The following EMSY variants were observed in gnomAD, a reference collection of about 807,000 sequenced individuals.
EMSY encodes EMSY transcriptional repressor, BRCA2 interacting, also known as BRCA2-interacting transcriptional repressor EMSY.
In EMSY, 26 loss-of-function variants were observed where a neutral mutation model predicts 134.6. The ratio of observed to expected loss-of-function variants is 0.19; its 90% confidence interval spans 0.14 to 0.27. EMSY has a LOEUF of 0.27. Ranked by LOEUF, EMSY falls within the 10% of genes least tolerant of loss-of-function variation. The probability of loss-of-function intolerance (pLI) is 1.00; values close to 1 mark genes in which losing one functional copy is unlikely to be tolerated. For synonymous variants in EMSY, 579 were observed against 577.8 expected (o/e 1.00, Z -0.03); for missense variants, 1,305 against 1,611.4 (o/e 0.81, Z 3.26).
chr11:76,524,876 A>T (rs191254737), intron 12 of EMSY, among the ~76,000 whole-genome samples: 56 of 152,270 alleles, frequency 3.7e-4, no homozygotes, highest in African/African-American at 1.3e-3. Context: ...TACAAAAATT[A>T]GCGTGAAGGT....
At chr11:76,473,536 G>A (rs1026413777) in intron 8 of EMSY, among the ~76,000 whole-genome samples, 5 of 151,622 alleles carry the variant, frequency 3.3e-5, no homozygotes, top group Non-Finnish European at 4.4e-5. Context: ...CTGGAACTCC[G>A]GAGTTCAGAC....
rs1209866521 is a variant in EMSY, at chr11:76,459,926, C to G, written c.422-10C>G. 1 of 1,608,798 alleles carries G rather than the reference C, an allele frequency of 6.2e-7. No homozygotes were observed. Among genetic ancestry groups the G allele is most frequent in the African/African-American group, 1.3e-5 (1 of 74,812 alleles). Reference sequence around the variant, plus strand: ...GTTAACAGCAAACTTTTTTATCGTTCCTTCAGTAGTGGTTTGCTATTCCTA... The same window carrying G: ...GTTAACAGCAAACTTTTTTATCGTTGCTTCAGTAGTGGTTTGCTATTCCTA... On this transcript the variant is annotated splice_polypyrimidine_tract_variant and intron_variant, in intron 5 of 20. Coordinates refer to ENST00000334736, the Ensembl canonical transcript of EMSY.
chr11:76,492,337 G>C (rs1276464272), intron 8 of EMSY, among the ~76,000 whole-genome samples: 2 of 152,126 alleles, frequency 1.3e-5, no homozygotes, highest in Admixed American at 6.5e-5. Context: ...AGCCATGCAT[G>C]GTGGTGCGTG....
intron 11 of EMSY, among the ~76,000 whole-genome samples, chr11:76,517,515 C>T (rs1950489705): frequency 6.6e-6 from 1 of 152,020 alleles, no homozygotes; most frequent in Non-Finnish European, 1.5e-5. Context: ...TTTTTATGAC[C>T]TTAAGGATTT....
At chr11:76,505,362 A>ATTTT (rs372496170) in intron 9 of EMSY, among the ~76,000 whole-genome samples, 15 of 126,748 alleles carry the variant, frequency 1.2e-4, no homozygotes, top group Non-Finnish European at 1.1e-4. Flanking sequence ...CGCCCGGCTA[A>ATTTT]TTTTTTTTTT....
At chr11:76,517,628 G>A (rs1950494058) in intron 11 of EMSY, among the ~76,000 whole-genome samples, 3 of 152,132 alleles carry the variant, frequency 2.0e-5, no homozygotes, top group Admixed American at 2.0e-4. Flanking sequence ...TAGCTGCTTT[G>A]TACCTGGTTA....
intron 9 of EMSY, 88 bp downstream of exon 10, chr11:76,496,557 T>G: frequency 2.6e-5 from 37 of 1,431,054 alleles, no homozygotes; most frequent in Middle Eastern, 1.7e-4. Flanking sequence ...GGTATGTCTC[T>G]TCATTTATTT....
chr11:76,462,390 G>T (rs1232119210), intron 6 of EMSY, among the ~76,000 whole-genome samples: 1 of 152,194 alleles, frequency 6.6e-6, no homozygotes, highest in Non-Finnish European at 1.5e-5. Context: ...AGATGTAATT[G>T]TTTATTTACC....
At chr11:76,552,207 A>G (rs2136950694), downstream of EMSY, 1 of 152,326 alleles carries the variant, frequency 6.6e-6, no homozygotes, top group Admixed American at 6.5e-5. Flanking sequence ...CTGTATGACA[A>G]GTAGTATTCT....
intron 4 of EMSY, 112 bp from the exon 6 acceptor site, chr11:76,458,071 T>A: frequency 1.1e-6 from 1 of 916,220 alleles, no homozygotes; most frequent in East Asian, 2.9e-5. Flanking sequence ...GCCTCTCCTA[T>A]TCACTCAGGG....
At chr11:76,493,934 G>C (rs1423242559) in intron 8 of EMSY, among the ~76,000 whole-genome samples, 2 of 152,222 alleles carry the variant, frequency 1.3e-5, no homozygotes, top group Non-Finnish European at 2.9e-5. Context: ...GGGGAGCCCA[G>C]ACCTAGGGGC....
intron 8 of EMSY, among the ~76,000 whole-genome samples, chr11:76,473,863 T>G (rs1267305679): frequency 6.6e-6 from 1 of 151,778 alleles, no homozygotes; most frequent in East Asian, 1.9e-4. Context: ...GGCATGGTAA[T>G]GCACACCTGT....
chr11:76,545,582 C>A (rs911306511), intron 19 of EMSY, among the ~76,000 whole-genome samples: 1 of 152,154 alleles, frequency 6.6e-6, no homozygotes, highest in Admixed American at 6.5e-5. Flanking sequence ...CCTTGGCTGG[C>A]TGAACAAAGG....
chr11:76,505,939 G>A (rs1225576877), intron 9 of EMSY, among the ~76,000 whole-genome samples: 1 of 151,798 alleles, frequency 6.6e-6, no homozygotes, highest in Non-Finnish European at 1.5e-5. Flanking sequence ...CAAGGCGAGA[G>A]AATCACTTGA....
intron 14 of EMSY, among the ~76,000 whole-genome samples, chr11:76,534,428 A>G (rs887896937): frequency 2.0e-5 from 3 of 152,162 alleles, no homozygotes; most frequent in African/African-American, 7.2e-5. Context: ...ATGGAAAATT[A>G]TATATCTTCA....
At chr11:76,492,789 A>T (rs1370586030) in intron 8 of EMSY, among the ~76,000 whole-genome samples, 1 of 152,160 alleles carries the variant, frequency 6.6e-6, no homozygotes. Flanking sequence ...TCAGACTTAG[A>T]ACCTAAGTGT....
At chr11:76,476,631 T>G (rs1475019789) in intron 8 of EMSY, among the ~76,000 whole-genome samples, 1 of 152,234 alleles carries the variant, frequency 6.6e-6, no homozygotes, top group Non-Finnish European at 1.5e-5. Context: ...TGTTCCATCC[T>G]TGCCAGTGGG....
intron 9 of EMSY, among the ~76,000 whole-genome samples, chr11:76,508,618 A>G (rs1324647426): frequency 6.6e-6 from 1 of 152,214 alleles, no homozygotes; most frequent in Non-Finnish European, 1.5e-5. Flanking sequence ...TTTATCTATG[A>G]AAGTCCTAGA....
intron 7 of EMSY, 87 bp from the exon 9 acceptor site, chr11:76,472,477 T>G: frequency 1.6e-6 from 2 of 1,247,922 alleles, no homozygotes; most frequent in Non-Finnish European, 2.2e-6. Flanking sequence ...TCATAAGCTA[T>G]TTTTAAATTA....
Sources: allele counts gnomAD v4.1 joint callset (sites outside exome capture counted in the v4.1 genomes callset), GRCh38; gene constraint gnomAD v4.1.1; transcripts MANE v1.5; gene names NCBI Gene and HGNC (gene_info 2026-07-23, HGNC 2026-07-21).